The following TENM4 variants were observed in gnomAD, a reference collection of about 807,000 sequenced individuals.
The protein encoded by TENM4 is teneurin-4.
A neutral mutation model predicts 243.3 loss-of-function variants in TENM4; 82 were observed. That is an observed-to-expected ratio of 0.34 (90% CI 0.28 to 0.40). The LOEUF is 0.40. Among genes scored for constraint, TENM4 ranks in the 10% least tolerant of loss-of-function variants. The pLI, the probability that TENM4 is intolerant of heterozygous loss-of-function variation, is 1.00. For synonymous variants in TENM4, 1,412 were observed against 1,456.3 expected (o/e 0.97, Z 0.69); for missense variants, 3,138 against 3,673.3 (o/e 0.85, Z 3.77).
intron 29 of TENM4, among the ~76,000 whole-genome samples, chr11:78,686,414 T>C (rs1858674641): frequency 6.6e-6 from 1 of 152,188 alleles, no homozygotes; most frequent in African/African-American, 2.4e-5. Flanking sequence ...AGTATTTCTC[T>C]AGTCCTGTGA....
intron 4 of TENM4, among the ~76,000 whole-genome samples, chr11:79,123,189 C>G (rs140621193): frequency 3.9e-4 from 60 of 152,268 alleles, no homozygotes; most frequent in African/African-American, 1.4e-3. Context: ...GTATCTTATG[C>G]TTACATAGTG....
At chr11:79,304,286 A>G (rs1388694427) in intron 1 of TENM4, among the ~76,000 whole-genome samples, 2 of 152,176 alleles carry the variant, frequency 1.3e-5, no homozygotes, top group African/African-American at 4.8e-5. Context: ...AGGCTCAGAG[A>G]TGCTTCTTGA....
intron 1 of TENM4, among the ~76,000 whole-genome samples, chr11:79,388,050 T>C (rs889903431): frequency 6.6e-6 from 1 of 152,130 alleles, no homozygotes; most frequent in African/African-American, 2.4e-5. Context: ...ATGTTTTGAG[T>C]GTGAAAGGTG....
chr11:78,783,428 T>C (rs1327377924), intron 16 of TENM4, among the ~76,000 whole-genome samples: 2 of 152,212 alleles, frequency 1.3e-5, no homozygotes, highest in African/African-American at 4.8e-5. Context: ...AATCCCTTTT[T>C]CTTCATGAGA....
chr11:79,255,173 C>G (rs1033194170), intron 2 of TENM4, among the ~76,000 whole-genome samples: 6 of 152,178 alleles, frequency 3.9e-5, no homozygotes, highest in African/African-American at 1.4e-4. Context: ...ATAAAGATGC[C>G]TATTTTTCCA....
At chr11:79,136,519 G>A (rs1862113561) in intron 4 of TENM4, among the ~76,000 whole-genome samples, 1 of 152,150 alleles carries the variant, frequency 6.6e-6, no homozygotes, top group African/African-American at 2.4e-5. Flanking sequence ...CCCAGCAGCA[G>A]AGAACAACAC....
At chr11:79,206,229 G>A (rs1250660924) in intron 3 of TENM4, among the ~76,000 whole-genome samples, 1 of 152,192 alleles carries the variant, frequency 6.6e-6, no homozygotes, top group African/African-American at 2.4e-5. Flanking sequence ...TGTTCCCAGA[G>A]AAGGCAGAAG....
At chr11:79,146,582 C>G (rs1197434115) in intron 4 of TENM4, among the ~76,000 whole-genome samples, 1 of 151,960 alleles carries the variant, frequency 6.6e-6, no homozygotes, top group Non-Finnish European at 1.5e-5. Context: ...CTTATGGAAC[C>G]AAAGATACCT....
At chr11:79,416,781 C>T (rs925453995) in intron 1 of TENM4, among the ~76,000 whole-genome samples, 7 of 152,202 alleles carry the variant, frequency 4.6e-5, no homozygotes, top group African/African-American at 1.7e-4. Flanking sequence ...GCTCCAAATC[C>T]TGTAGGGTAT....
At chr11:78,772,867 CTA>C (rs1440195803) in intron 17 of TENM4, among the ~76,000 whole-genome samples, 3 of 152,192 alleles carry the variant, frequency 2.0e-5, no homozygotes, top group Non-Finnish European at 4.4e-5. Context: ...TGTATGTAGA[CTA>C]TGGGTTTCTG....
intron 18 of TENM4, among the ~76,000 whole-genome samples, chr11:78,758,094 A>G (rs1285836147): frequency 6.6e-6 from 1 of 152,190 alleles, no homozygotes; most frequent in Admixed American, 6.5e-5. Flanking sequence ...AAAGTGGTGG[A>G]CAGGAAAAGC....
intron 12 of TENM4, among the ~76,000 whole-genome samples, chr11:78,847,737 C>T (rs1467798008): frequency 6.6e-6 from 1 of 152,044 alleles, no homozygotes; most frequent in African/African-American, 2.4e-5. Context: ...GTATTTATAT[C>T]TTATAATATA....
chr11:78,833,726 T>A (rs1080834), intron 12 of TENM4, among the ~76,000 whole-genome samples: 25,537 of 152,248 alleles, frequency 0.17, 4,980 homozygotes, highest in African/African-American at 0.48. Context: ...ATTTTCCAGC[T>A]GCTGTCTGAG....
chr11:79,213,339 C>T (rs958565987), intron 3 of TENM4, among the ~76,000 whole-genome samples: 28 of 152,188 alleles, frequency 1.8e-4, no homozygotes, highest in African/African-American at 5.5e-4. Context: ...AAGAACACTG[C>T]AGGGGCCAAC....
At chr11:78,825,837 G>C (rs1857836167) in intron 12 of TENM4, among the ~76,000 whole-genome samples, 1 of 152,122 alleles carries the variant, frequency 6.6e-6, no homozygotes, top group Non-Finnish European at 1.5e-5. Flanking sequence ...GTCTGTCTCT[G>C]GGACAAATTA....
At chr11:78,908,062 T>A (rs1167142618) in intron 6 of TENM4, among the ~76,000 whole-genome samples, 1 of 152,226 alleles carries the variant, frequency 6.6e-6, no homozygotes, top group Non-Finnish European at 1.5e-5. Flanking sequence ...GCAGTTTTCA[T>A]TTTAGATGCA....
At chr11:78,911,806 G>T (rs1029364624) in intron 6 of TENM4, among the ~76,000 whole-genome samples, 1 of 152,212 alleles carries the variant, frequency 6.6e-6, no homozygotes, top group African/African-American at 2.4e-5. Context: ...GCTTCCAAAT[G>T]TAAGAAGGAA....
intron 1 of TENM4, among the ~76,000 whole-genome samples, chr11:79,336,021 A>C (rs184369250): frequency 1.0e-3 from 155 of 152,306 alleles, no homozygotes; most frequent in Middle Eastern, 6.8e-3. Context: ...AGATGCTTTC[A>C]TGGAGGTTAT....
At chr11:79,100,221 C>T (rs776041183) in intron 4 of TENM4, among the ~76,000 whole-genome samples, 5 of 152,148 alleles carry the variant, frequency 3.3e-5, no homozygotes, top group South Asian at 4.1e-4. Context: ...GCAGTTATTT[C>T]GCACTTTTCT....
Sources: gnomAD v4.1 joint callset for allele counts (sites outside exome capture counted in the v4.1 genomes callset) on GRCh38, gnomAD v4.1.1 for gene constraint, MANE v1.5 for transcripts, NCBI Gene and HGNC (gene_info 2026-07-23, HGNC 2026-07-21) for gene names.